Variants in MRPL15 observed in about 807,000 individuals in gnomAD.
MRPL15 encodes mitochondrial ribosomal protein L15.
In MRPL15, 24 loss-of-function variants were observed where a neutral mutation model predicts 28.0. The observed-to-expected ratio is 0.86, with a 90% confidence interval of 0.62 to 1.21. The LOEUF (loss-of-function observed/expected upper bound fraction) is 1.21. Among genes scored for constraint, MRPL15 ranks in the 50% most tolerant of loss-of-function variants. The probability of loss-of-function intolerance (pLI) is 0.00; values close to 1 mark genes in which losing one functional copy is unlikely to be tolerated. For synonymous variants in MRPL15, 124 were observed against 137.0 expected, an observed-to-expected ratio of 0.90 and a Z score of 0.66; for missense variants, 343 against 372.4, an observed-to-expected ratio of 0.92 and a Z score of 0.65.
At chr8:54,140,722 C>T (rs1380482570) in intron 3 of MRPL15, among the ~76,000 whole-genome samples, 9 of 151,504 alleles carry the variant, frequency 5.9e-5, no homozygotes, top group East Asian at 5.9e-4. Flanking sequence ...TACAGGCACC[C>T]GCCACCATGG....
In MRPL15 at chr8:54,136,646, G is replaced by A. The variant is rs769514788; in HGVS notation, c.244G>A (p.Gly82Arg). Reference protein sequence around the residue: ...TPFYIRIPKYGFNEGHSFRRQ... With the variant: ...TPFYIRIPKYRFNEGHSFRRQ... The stretch of plus-strand genomic sequence containing the variant: ...ATTTTACATCCGAATCCCAAAATAC[G>A]GGTTTAACGAAGGACATAGGTAAGG... Residue 82 changes from glycine (G) to arginine (R), a missense_variant, in exon 2 of 5, where the codon GGG becomes AGG. By Grantham distance (125) the Gly-to-Arg change is moderately radical. Transcript: ENST00000260102. The A allele has an allele frequency of 5.0e-6, 8 of 1,614,000 alleles. No individual in the cohort carries two copies. Among genetic ancestry groups the A allele is most frequent in the African/African-American group, 1.3e-5 (1 of 75,024 alleles).
At position 54,136,517 on chromosome 8, in the gene MRPL15, A is replaced by C. The variant is rs140659512; in HGVS notation, c.115A>C (p.Arg39=). 27 of 1,607,950 alleles carry C rather than the reference A, an allele frequency of 1.7e-5. No homozygotes were observed. Among genetic ancestry groups the C allele is most frequent in the Non-Finnish European group, 2.3e-5 (27 of 1,178,264 alleles). Residue 39 remains arginine, a synonymous_variant, in exon 2 of 5, where the codon AGA becomes CGA. Transcript: ENST00000260102. ...PNPGSKKPER[R]PRGRRRGRKC... ...TTCTTTTTTTTCCTTGCAGGAGAGA[A>C]GACCAAGAGGTCGGAGAAGAGGTAG...
rs958230502 is a variant in MRPL15 at position 54,136,732 on chromosome 8, T to C, written c.263+67T>C. 9 of 1,518,216 alleles carry C rather than the reference T, an allele frequency of 5.9e-6. No individual in the cohort carries two copies. The African/African-American group carries it at 1.3e-4, about 21-fold the overall frequency. The allele number at this position is 1,518,216 out of a possible 1,614,324, so 94.0% of individuals were successfully genotyped here. ...CATTAAAAAGCACCTAAAAATAGTT[T>C]GGTAGAAATTTTGGTGGAAATTGTA... is the stretch of plus-strand genomic sequence containing the variant. On this transcript the variant is annotated intron_variant, in intron 2 of 4. Coordinates refer to ENST00000260102, the MANE Select transcript of MRPL15 (RefSeq NM_014175.4).
intron 4 of MRPL15, among the ~76,000 whole-genome samples, chr8:54,147,024 A>G (rs1052301043): frequency 2.0e-5 from 3 of 152,140 alleles, no homozygotes; most frequent in Non-Finnish European, 2.9e-5. Flanking sequence ...CCTGAGGTCA[A>G]GAGTTCCAGA....
chr8:54,148,379 T>C lies in MRPL15; in HGVS notation c.*660T>C, dbSNP rs1811083047. On this transcript the variant is annotated 3_prime_UTR_variant, in exon 5 of 5. Transcript: ENST00000260102. ...AAGATGGTGGTGGCCACTCCCAAGA[T>C]GGCAGCAAGCCTTTTGTTCTCTGAC... Among the ~76,000 whole-genome samples, 1 of 152,238 alleles carries C rather than the reference T, an allele frequency of 6.6e-6. No homozygotes were observed. The highest frequency in any genetic ancestry group is 6.5e-5 in the Admixed American group (1 of 15,286).
chr8:54,147,775 T>C lies in MRPL15; in HGVS notation c.*56T>C, dbSNP rs1811071762. The C allele has an allele frequency of 2.1e-5, 30 of 1,421,546 alleles. No individual in the cohort carries two copies. Among genetic ancestry groups the C allele is most frequent in the Non-Finnish European group, 2.9e-5 (30 of 1,046,436 alleles). The allele number at this position is 1,421,546 out of a possible 1,614,324, so 88.1% of individuals were successfully genotyped here. A position where few individuals can be genotyped will look rare whatever the true frequency, so the allele number is the denominator to read the frequency against. ...GAGTACTGGAATAGGGGCTGAAGGA[T>C]CTATATTCCCTTATTGCATTTTCCT... On this transcript the variant is annotated 3_prime_UTR_variant, in exon 5 of 5. Coordinates refer to ENST00000260102, the MANE Select transcript of MRPL15 (RefSeq NM_014175.4).
At chr8:54,141,334 G>C (rs1810922605) in intron 3 of MRPL15, among the ~76,000 whole-genome samples, 1 of 151,960 alleles carries the variant, frequency 6.6e-6, no homozygotes, top group South Asian at 2.1e-4. Context: ...CATTTATGAA[G>C]TCGGTATTTC....
rs1395663636 is a variant in MRPL15, at chr8:54,135,304, C to T, written c.21C>T (p.Gly7=). ...GGGTTATGGCCGGTCCCTTGCAGGG[C>T]GGTGGGGCCCGGGCCCTGGACCTAC... MAGPLQ[G]GGARALDLLR... is the part of the protein sequence containing the mutation. Residue 7 remains glycine, a synonymous_variant, in exon 1 of 5, where the codon GGC becomes GGT. Coordinates refer to ENST00000260102, the MANE Select transcript of MRPL15 (RefSeq NM_014175.4). The T allele has an allele frequency of 7.1e-7, 1 of 1,409,870 alleles. No homozygotes were observed. Among genetic ancestry groups the T allele is most frequent in the African/African-American group, 1.5e-5 (1 of 66,730 alleles). 87.3% of individuals were successfully genotyped at this position (1,409,870 alleles called of 1,614,324 possible). A position where few individuals can be genotyped will look rare whatever the true frequency, so the allele number is the denominator to read the frequency against.
chr8:54,135,245 A>G lies in MRPL15; in HGVS notation c.-39A>G. Reference sequence around the variant, plus strand: ...CCCCGAGACCACGTGGCCTCCGAGCAGCTCAGGGCGCCCTTGAAAGTTCTT... The same window carrying G: ...CCCCGAGACCACGTGGCCTCCGAGCGGCTCAGGGCGCCCTTGAAAGTTCTT... On this transcript the variant is annotated 5_prime_UTR_variant, in exon 1 of 5. Coordinates refer to ENST00000260102, the MANE Select transcript of MRPL15 (RefSeq NM_014175.4). The G allele has an allele frequency of 8.0e-7, 1 of 1,249,520 alleles. No individual in the cohort carries two copies. Among genetic ancestry groups the G allele is most frequent in the South Asian group, 3.2e-5 (1 of 31,420 alleles). The allele number at this position is 1,249,520 out of a possible 1,614,324, so 77.4% of individuals were successfully genotyped here.
At chr8:54,137,504 C>T in intron 3 of MRPL15, 71 bp downstream of exon 3, 1 of 1,457,108 alleles carries the variant, frequency 6.9e-7, no homozygotes, top group South Asian at 1.3e-5. Context: ...TGCCCTGTTG[C>T]CTGAGCTGGA....
intron 4 of MRPL15, among the ~76,000 whole-genome samples, chr8:54,143,572 T>G (rs1421935190): frequency 1.3e-5 from 2 of 152,234 alleles, no homozygotes; most frequent in Non-Finnish European, 2.9e-5. Context: ...GCCACTGTCC[T>G]CTTGCCTGGA....
Position 54,135,314 on chromosome 8 carries a change from C to G in MRPL15, c.31C>G (p.Arg11Gly). ...CGGTCCCTTGCAGGGCGGTGGGGCC[C>G]GGGCCCTGGACCTACTCCGGGGCCT... MAGPLQGGGA[R>G]ALDLLRGLPR... The change falls in exon 1 of 5, where the codon CGG (arginine) becomes GGG (glycine). Residue 11 changes from arginine (R) to glycine (G), a missense_variant. By Grantham distance (125) the Arg-to-Gly change is moderately radical. Coordinates refer to ENST00000260102, the MANE Select transcript of MRPL15 (RefSeq NM_014175.4). 1 of 1,438,344 alleles carries G rather than the reference C, an allele frequency of 7.0e-7. No individual in the cohort carries two copies. Among genetic ancestry groups the G allele is most frequent in the Non-Finnish European group, 9.2e-7 (1 of 1,090,178 alleles). 89.1% of individuals were successfully genotyped at this position (1,438,344 alleles called of 1,614,324 possible).
chr8:54,143,194 T>C (rs1810962377), intron 4 of MRPL15, among the ~76,000 whole-genome samples: 2 of 152,064 alleles, frequency 1.3e-5, no homozygotes, highest in South Asian at 4.1e-4. Flanking sequence ...GATTCTCCTG[T>C]CTCAGTCACC....
Position 54,142,778 on chromosome 8 carries a change from G to T in MRPL15, c.545G>T (p.Arg182Ile), listed in dbSNP as rs764753306. 2.1e-5 allele frequency: 34 copies of T among 1,613,918 alleles called. No individual in the cohort carries two copies. The South Asian group carries it at 3.6e-4, about 17-fold the overall frequency. The change falls in exon 4 of 5, where the codon AGA (arginine) becomes ATA (isoleucine). Residue 182 changes from arginine to isoleucine, a missense_variant. Coordinates refer to ENST00000260102, the MANE Select transcript of MRPL15 (RefSeq NM_014175.4). ...GVVTTAFYDP[R>I]SLDIVCKPVP... The stretch of plus-strand genomic sequence containing the variant: ...GTTACTACAGCCTTCTATGATCCAA[G>T]AAGTCTGGGTAAGTTTGTTCCACGG...
chr8:54,142,108 CA>C (rs1220532334), intron 3 of MRPL15, among the ~76,000 whole-genome samples: 1 of 151,988 alleles, frequency 6.6e-6, no homozygotes, highest in Non-Finnish European at 1.5e-5. Flanking sequence ...CTTGGCCTCC[CA>C]AAGTGCTGGG....
chr8:54,135,546 G>T (rs985303226), intron 1 of MRPL15, among the ~76,000 whole-genome samples, 155 bp downstream of exon 1: 1 of 150,020 alleles, frequency 6.7e-6, no homozygotes, highest in Non-Finnish European at 1.5e-5. Context: ...GCCCAGAGGG[G>T]AATCTTTCCA....
At chr8:54,141,618 T>C (rs1810927621) in intron 3 of MRPL15, among the ~76,000 whole-genome samples, 1 of 152,192 alleles carries the variant, frequency 6.6e-6, no homozygotes, top group Non-Finnish European at 1.5e-5. Context: ...ATTGGTTCCA[T>C]GACCGCCTCC....
At chr8:54,145,010 C>CAGAT (rs1189353739) in intron 4 of MRPL15, among the ~76,000 whole-genome samples, 1 of 152,160 alleles carries the variant, frequency 6.6e-6, no homozygotes, top group African/African-American at 2.4e-5. Context: ...GTTCTCTAGC[C>CAGAT]AGATGCCCTC....
rs1192546314 is a variant in MRPL15, at chr8:54,137,508, A to G, written c.429+75A>G. Reference sequence around the variant, plus strand: ...AGACAGAGTCTTGCCCTGTTGCCTGAGCTGGAGTACAGTGGCGCAATCTCG... The same window carrying G: ...AGACAGAGTCTTGCCCTGTTGCCTGGGCTGGAGTACAGTGGCGCAATCTCG... On this transcript the variant is annotated intron_variant, in intron 3 of 4. Coordinates refer to ENST00000260102, the MANE Select transcript of MRPL15 (RefSeq NM_014175.4). 28 of 1,426,412 alleles carry G rather than the reference A, an allele frequency of 2.0e-5. No homozygotes were observed. The Admixed American group carries it at 3.0e-4, about 15-fold the overall frequency. The allele number at this position is 1,426,412 out of a possible 1,614,324, so 88.4% of individuals were successfully genotyped here. A position where few individuals can be genotyped will look rare whatever the true frequency, so the allele number is the denominator to read the frequency against.
Sources: gnomAD v4.1 joint callset for allele counts (sites outside exome capture counted in the v4.1 genomes callset) on GRCh38, gnomAD v4.1.1 for gene constraint, MANE v1.5 for transcripts, NCBI Gene and HGNC (gene_info 2026-07-23, HGNC 2026-07-21) for gene names.